The following XYLB variants were observed in gnomAD, a reference collection of about 807,000 sequenced individuals.
The protein encoded by XYLB is xylulose kinase.
XYLB carries 62 observed loss-of-function variants against 78.7 expected under a neutral mutation model. The observed-to-expected ratio is 0.79, with a 90% CI of 0.64 to 0.97. XYLB has a LOEUF of 0.97. XYLB is among the 50% of genes least tolerant of loss of function. The pLI is 0.00. For synonymous variants in XYLB, 245 were observed against 247.4 expected, an observed-to-expected ratio of 0.99 and a Z score of 0.09; for missense variants, 687 against 676.8, an observed-to-expected ratio of 1.02 and a Z score of -0.17.
At chr3:38,387,311 T>C (rs1302983882) in intron 15 of XYLB, among the ~76,000 whole-genome samples, 1 of 146,686 alleles carries the variant, frequency 6.8e-6, no homozygotes, top group Non-Finnish European at 1.5e-5. Context: ...TTTTCTATTC[T>C]TTTTTTTTTT....
chr3:38,374,871 T>C (rs1706766287), intron 11 of XYLB, among the ~76,000 whole-genome samples: 1 of 152,120 alleles, frequency 6.6e-6, no homozygotes. Flanking sequence ...GGGAAAGTCA[T>C]ATGGGGAACC....
At chr3:38,442,022 C>T in the XYLB span, among the ~76,000 whole-genome samples, 10 of 152,080 alleles carry the variant, frequency 6.6e-5, no homozygotes, top group South Asian at 2.1e-4. Context: ...TCTGGGTCTC[C>T]GTGATTAGAG....
At chr3:38,433,766 G>C in the XYLB span, among the ~76,000 whole-genome samples, 5 of 152,294 alleles carry the variant, frequency 3.3e-5, no homozygotes, top group African/African-American at 1.2e-4. Context: ...TCTCTAGGAA[G>C]TTCCAAACTT....
intron 18 of XYLB, among the ~76,000 whole-genome samples, chr3:38,405,953 G>A (rs1708302874): frequency 6.6e-6 from 1 of 152,256 alleles, no homozygotes; most frequent in Non-Finnish European, 1.5e-5. Context: ...ACCTCTGGGG[G>A]CAGGGCACAG....
At chr3:38,421,046 T>TAAAGAAACAAAGGAC (rs1559629719), downstream of XYLB, among the ~76,000 whole-genome samples, 9 of 152,254 alleles carry the variant, frequency 5.9e-5, no homozygotes, top group Non-Finnish European at 8.8e-5. Context: ...TTGTTTCCCA[T>TAAAGAAACAAAGGAC]AAAGATTGCT....
At chr3:38,374,929 C>T (rs1167756815) in intron 11 of XYLB, among the ~76,000 whole-genome samples, 2 of 152,206 alleles carry the variant, frequency 1.3e-5, no homozygotes, top group Admixed American at 1.3e-4. Flanking sequence ...GAAATCAGCA[C>T]AGAAGATCCA....
intron 15 of XYLB, among the ~76,000 whole-genome samples, chr3:38,388,689 C>T (rs1351169997): frequency 2.6e-5 from 4 of 152,046 alleles, no homozygotes; most frequent in African/African-American, 4.8e-5. Flanking sequence ...GTATTTTTAG[C>T]AATTGTTATG....
rs756740415 is a variant in XYLB, at chr3:38,379,310, G to A, written c.1259G>A (p.Arg420Lys). 6 of 1,614,170 alleles carry A rather than the reference G, an allele frequency of 3.7e-6. No individual in the cohort carries two copies. The highest frequency in any genetic ancestry group is 3.3e-5 in the South Asian group (3 of 91,082). ...ALIEGQFMAK[R>K]IHAEGLGYRV... The stretch of plus-strand genomic sequence containing the variant: ...ATTGAAGGACAATTCATGGCCAAGA[G>A]GATTCACGCAGAAGGCCTGGGCTAT... The change falls in exon 15 of 19, where the codon AGG becomes AAG. Residue 420 changes from arginine (R) to lysine (K), a missense_variant. By Grantham distance (26) the Arg-to-Lys change is conservative (BLOSUM62 2). Transcript: ENST00000207870.
At chr3:38,415,218 A>G (rs1247860293), downstream of XYLB, among the ~76,000 whole-genome samples, 2 of 152,248 alleles carry the variant, frequency 1.3e-5, no homozygotes, top group Non-Finnish European at 2.9e-5. Flanking sequence ...AACTCAAAGT[A>G]TGAACTGAGG....
At position 38,395,534 on chromosome 3, in the gene XYLB, G is replaced by A. The variant is rs780731077; in HGVS notation, c.1321G>A (p.Gly441Arg). 6.2e-7 allele frequency: 1 copy of A among 1,614,066 alleles called. No homozygotes were observed. The highest frequency in any genetic ancestry group is 1.7e-5 in the Admixed American group (1 of 60,004). The change falls in exon 16 of 19, where the codon GGA becomes AGA. Residue 441 changes from glycine to arginine, a missense_variant. By Grantham distance (125) the Gly-to-Arg change is moderately radical. Transcript: ENST00000207870. ...MSKTKILATG[G>R]ASHNREILQV... ...CAAGACAAAGATTTTGGCCACAGGA[G>A]GAGCATCTCACAATAGAGAAATCTT...
the XYLB span, among the ~76,000 whole-genome samples, chr3:38,440,326 T>C: frequency 6.6e-6 from 1 of 152,358 alleles, no homozygotes; most frequent in Non-Finnish European, 1.5e-5. Flanking sequence ...TTAGAATTGG[T>C]ATAGATGGCT....
At chr3:38,401,982 G>A (rs1047462326) in intron 18 of XYLB, among the ~76,000 whole-genome samples, 8 of 151,998 alleles carry the variant, frequency 5.3e-5, no homozygotes, top group African/African-American at 1.7e-4. Context: ...CAGAAGACAC[G>A]GGACTCCTGG....
chr3:38,368,296 G>A (rs1706369826), intron 8 of XYLB, 39 bp downstream of exon 8: 1 of 1,585,408 alleles, frequency 6.3e-7, no homozygotes. Flanking sequence ...TGGGCAGTGT[G>A]CATGTGGCAT....
intron 18 of XYLB, among the ~76,000 whole-genome samples, chr3:38,406,911 T>A (rs1708346933): frequency 6.6e-6 from 1 of 151,998 alleles, no homozygotes; most frequent in Non-Finnish European, 1.5e-5. Context: ...GTCTGATTGG[T>A]GTACCTGAAA....
At chr3:38,395,254 T>G (rs970272151) in intron 15 of XYLB, among the ~76,000 whole-genome samples, 1 of 152,218 alleles carries the variant, frequency 6.6e-6, no homozygotes, top group Admixed American at 6.5e-5. Context: ...TCTCCTGTTT[T>G]GTTGAGATAT....
intron 11 of XYLB, 27 bp downstream of exon 11, chr3:38,374,529 C>G (rs776596225): frequency 6.2e-7 from 1 of 1,613,526 alleles, no homozygotes; most frequent in South Asian, 1.1e-5. Flanking sequence ...CACCCATAGG[C>G]TCTTTCTGTT....
At position 38,370,162 on chromosome 3, in the gene XYLB, A is replaced by G. The variant is rs974715231; in HGVS notation, c.753A>G (p.Ser251=). ...AGAAGCTTAGCCCACCAGTACCATCATGCTCAGTTGTGGTAGGTCTCCTTT... is the reference window on the plus strand; with the variant it reads ...AGAAGCTTAGCCCACCAGTACCATCGTGCTCAGTTGTGGTAGGTCTCCTTT... The part of the protein sequence containing the change: ...LEEKLSPPVP[S]CSVVGAISSY... The change falls in exon 9 of 19, where the codon TCA becomes TCG. Residue 251 remains serine, a synonymous_variant. Coordinates refer to ENST00000207870, the MANE Select transcript of XYLB (RefSeq NM_005108.4). 2 of 1,613,034 alleles carry G rather than the reference A, an allele frequency of 1.2e-6. No homozygotes were observed. Among genetic ancestry groups the G allele is most frequent in the African/African-American group, 2.7e-5 (2 of 74,908 alleles).
At chr3:38,393,361 G>T (rs1707748109) in intron 15 of XYLB, among the ~76,000 whole-genome samples, 1 of 152,016 alleles carries the variant, frequency 6.6e-6, no homozygotes, top group African/African-American at 2.4e-5. Flanking sequence ...TCCCAGGCTG[G>T]TCTCAAAGTC....
chr3:38,415,490 A>G (rs1708758327), downstream of XYLB, among the ~76,000 whole-genome samples: 1 of 152,302 alleles, frequency 6.6e-6, no homozygotes, highest in South Asian at 2.1e-4. Context: ...ACTGGTATAA[A>G]GATAGTACCC....
Sources: gnomAD v4.1 joint callset for allele counts (sites outside exome capture counted in the v4.1 genomes callset) on GRCh38, gnomAD v4.1.1 for gene constraint, MANE v1.5 for transcripts, NCBI Gene and HGNC (gene_info 2026-07-23, HGNC 2026-07-21) for gene names.